Variants in SMC1A observed in about 807,000 individuals in gnomAD.
SMC1A encodes the protein structural maintenance of chromosomes 1A.
Under a neutral mutation model 94.5 loss-of-function variants are expected in SMC1A, and 4 were observed. The observed-to-expected ratio is 0.04, with a 90% CI of 0.02 to 0.10. SMC1A has a LOEUF of 0.10. Ranked by LOEUF, SMC1A falls within the 10% of genes least tolerant of loss-of-function variation. The probability of loss-of-function intolerance (pLI) is 1.00; values close to 1 mark genes in which losing one functional copy is unlikely to be tolerated. For missense variants in SMC1A, 304 were observed against 989.0 expected (o/e 0.31, Z 9.29); for synonymous variants, 345 against 347.7 (o/e 0.99, Z 0.09).
intron 15 of SMC1A, among the ~76,000 whole-genome samples, chrX:53,401,699 C>T (rs2146596552): frequency 9.1e-6 from 1 of 110,446 alleles, no homozygotes; most frequent in South Asian, 3.8e-4. Context: ...GGGATATATA[C>T]CCATAGGTTT....
chrX:53,390,050 C>T (rs1364090656), intron 19 of SMC1A, among the ~76,000 whole-genome samples: 5 of 105,115 alleles, frequency 4.8e-5, no homozygotes, highest in African/African-American at 1.7e-4. Context: ...GGGGTTTCAC[C>T]GTGTTAGCCA....
rs782191187 is a variant in SMC1A at position 53,405,936 on chromosome X, T to C, written c.1566A>G (p.Leu522=). 10 of 1,211,487 alleles carry C rather than the reference T, an allele frequency of 8.3e-6. No homozygotes were observed. The Admixed American group carries it at 8.7e-5, about 11-fold the overall frequency. ...GATACTTCTTTTGTGTGGGCTGGCA[T>C]AGGTCAATGAGGCGGCCGTACTGAG... The part of the protein sequence containing the change: ...PGSVYGRLID[L]CQPTQKKYQI... Residue 522 remains leucine (L), a synonymous_variant, in exon 10 of 25, where the codon CTA becomes CTG. Coordinates refer to ENST00000322213, the MANE Select transcript of SMC1A (RefSeq NM_006306.4).
At chrX:53,380,596 G>A in intron 24 of SMC1A, 24 bp downstream of exon 24, 1 of 1,004,273 alleles carries the variant, frequency 1.0e-6, no homozygotes, top group Middle Eastern at 2.6e-4. Context: ...AGTAGGACTG[G>A]CTCCTGAGCC....
rs1259197736 is a variant in SMC1A at position 53,413,420 on chromosome X, T to C, written c.427A>G (p.Ile143Val). ...CTCTCTTTGGGGTTCTTCATGGCAATAGATTCCACAGCACCCTAGTAAAGG... is the reference window on the plus strand; with the variant it reads ...CTCTCTTTGGGGTTCTTCATGGCAACAGATTCCACAGCACCCTAGTAAAGG... The part of the protein sequence containing the change: ...FLVFQGAVES[I>V]AMKNPKERTA... The change falls in exon 4 of 25, where the codon ATT becomes GTT. Residue 143 changes from isoleucine to valine, a missense_variant. Transcript: ENST00000322213. 2.5e-6 allele frequency: 3 copies of C among 1,208,017 alleles called. No individual in the cohort carries two copies. Among genetic ancestry groups the C allele is most frequent in the African/African-American group, 1.8e-5 (1 of 56,978 alleles).
rs907682412 is a variant in SMC1A at position 53,408,561 on chromosome X, G to C, written c.1545+501C>G. Reference sequence around the variant, plus strand: ...AGGGAACCTGGGAACTCAGGATTTGGTGAAAGAGGCCAAAAGATCAAGAGA... The same window carrying C: ...AGGGAACCTGGGAACTCAGGATTTGCTGAAAGAGGCCAAAAGATCAAGAGA... On this transcript the variant is annotated intron_variant, in intron 9 of 24. Coordinates refer to ENST00000322213, the MANE Select transcript of SMC1A (RefSeq NM_006306.4). 2.7e-5 allele frequency among the ~76,000 whole-genome samples: 3 copies of C among 111,505 alleles called. No homozygotes were observed. In the Admixed American group the frequency reaches 2.9e-4, roughly 11 times the overall value.
At chrX:53,407,805 T>C (rs1556889964) in intron 9 of SMC1A, among the ~76,000 whole-genome samples, 2 of 111,561 alleles carry the variant, frequency 1.8e-5, no homozygotes, top group African/African-American at 6.5e-5. Context: ...TTGTGCTGGT[T>C]GTGAGAGTAG....
At position 53,413,410 on chromosome X, in the gene SMC1A, T is replaced by C; in HGVS notation, c.437A>G (p.Lys146Arg). The C allele has an allele frequency of 8.3e-7, 1 of 1,211,208 alleles. No homozygotes were observed. The highest frequency in any genetic ancestry group is 3.0e-5 in the East Asian group (1 of 33,846). Residue 146 changes from lysine to arginine, a missense_variant, in exon 4 of 25, where the codon AAG becomes AGG. Lys to Arg is a conservative substitution (Grantham distance 26). Transcript: ENST00000322213. Reference protein sequence around the residue: ...FQGAVESIAMKNPKERTALFE... With the variant: ...FQGAVESIAMRNPKERTALFE... ...TAGAGCTGTCCTCTCTTTGGGGTTC[T>C]TCATGGCAATAGATTCCACAGCACC...
chrX:53,382,699 G>C (rs2075589145), intron 20 of SMC1A, 39 bp from the exon 21 acceptor site: 1 of 1,202,285 alleles, frequency 8.3e-7, no homozygotes. Context: ...CAGTGCCCTG[G>C]CAAGAAGGAC....
chrX:53,409,197 A>G lies in SMC1A; in HGVS notation c.1410T>C (p.Ile470=), dbSNP rs782223677. Residue 470 remains isoleucine (I), a synonymous_variant, in exon 9 of 25, where the codon ATT becomes ATC. Transcript: ENST00000322213. ...TEEVEMAKRR[I]DEINKELNQV... ...GGTTCAGCTCCTTATTGATTTCATC[A>G]ATACGCCGCTTGGCCATCTCCACCT... 8.3e-7 allele frequency: 1 copy of G among 1,209,412 alleles called. No individual in the cohort carries two copies. The highest frequency in any genetic ancestry group is 1.8e-5 in the African/African-American group (1 of 57,114).
At position 53,380,704 on chromosome X, in the gene SMC1A, C is replaced by G. The variant is rs782763816; in HGVS notation, c.3534G>C (p.Ser1178=). Reference sequence around the variant, plus strand: ...TGACGATGGCCTGGAAGTTGCAAGTCGACTGCTCCTTGATGTAATTTGCCA... The same window carrying G: ...TGACGATGGCCTGGAAGTTGCAAGTGGACTGCTCCTTGATGTAATTTGCCA... ...GKVANYIKEQ[S]TCNFQAIVIS... Residue 1178 remains serine (S), a synonymous_variant, in exon 24 of 25, where the codon TCG becomes TCC. Transcript: ENST00000322213. 2.5e-5 allele frequency: 30 copies of G among 1,209,658 alleles called. No individual in the cohort carries two copies. The highest frequency in any genetic ancestry group is 3.4e-5 in the Non-Finnish European group (30 of 893,622).
At chrX:53,382,991 T>C (rs1283782069) in intron 20 of SMC1A, 106 bp downstream of exon 20, 2 of 829,707 alleles carry the variant, frequency 2.4e-6, no homozygotes, top group Non-Finnish European at 3.5e-6. Flanking sequence ...GAGTTTTAAG[T>C]AAGAAAACAT....
rs2075553853 is a variant in SMC1A at position 53,374,759 on chromosome X, T to C, written c.*5344A>G. On this transcript the variant is annotated 3_prime_UTR_variant, in exon 25 of 25. Coordinates refer to ENST00000322213, the MANE Select transcript of SMC1A (RefSeq NM_006306.4). Reference sequence around the variant, plus strand: ...CCACCCTGTGGCTCCGTGATCTCATTATACAAATGTCTCATGACCTCTGCT... The same window carrying C: ...CCACCCTGTGGCTCCGTGATCTCATCATACAAATGTCTCATGACCTCTGCT... 1 of 112,599 alleles carries C rather than the reference T, an allele frequency of 8.9e-6. No homozygotes were observed. Among genetic ancestry groups the C allele is most frequent in the East Asian group, 2.8e-4 (1 of 3,604 alleles). 9.3% of individuals were successfully genotyped at this position (112,599 alleles called of 1,213,427 possible).
intron 19 of SMC1A, 47 bp downstream of exon 19, chrX:53,394,731 T>TGCCCCCCCCCCCCCCCCCCCC: frequency 7.2e-6 from 3 of 416,231 alleles, no homozygotes; most frequent in Non-Finnish European, 1.3e-5. Context: ...ATAGTCCCAC[T>TGCCCCCCCCCCCCCCCCCCCC]CCCACCCAAC....
chrX:53,387,541 A>G (rs782721003), intron 19 of SMC1A, among the ~76,000 whole-genome samples: 2 of 112,269 alleles, frequency 1.8e-5, no homozygotes, highest in African/African-American at 6.5e-5. Context: ...TCTATTGAAA[A>G]GTTCTAGAAG....
Position 53,399,745 on chromosome X carries a change from G to A in SMC1A, c.2421-15C>T. On this transcript the variant is annotated splice_polypyrimidine_tract_variant and intron_variant, in intron 15 of 24. Coordinates refer to ENST00000322213, the MANE Select transcript of SMC1A (RefSeq NM_006306.4). ...CAAACTCCAAACTGTGTATAAAGGT[G>A]GGGGGAGAATCACTCATAATCTCAT... The A allele has an allele frequency of 8.3e-6, 10 of 1,198,490 alleles. No homozygotes were observed. The highest frequency in any genetic ancestry group is 1.1e-5 in the Non-Finnish European group (10 of 885,515).
intron 9 of SMC1A, 66 bp from the exon 10 acceptor site, chrX:53,406,022 T>C: frequency 9.8e-7 from 1 of 1,015,435 alleles, no homozygotes; most frequent in Non-Finnish European, 1.4e-6. Flanking sequence ...GAATCCTAAT[T>C]CCCAGTATGG....
chrX:53,399,771 C>T, intron 15 of SMC1A, 41 bp from the exon 16 acceptor site: 1 of 1,168,457 alleles, frequency 8.6e-7, no homozygotes, highest in East Asian at 3.0e-5. Context: ...ATAATCTCAT[C>T]AGCCAGAGAT....
Position 53,378,517 on chromosome X carries a change from C to A in SMC1A, c.*1586G>T. 1 of 112,228 alleles carries A rather than the reference C, an allele frequency of 8.9e-6. No homozygotes were observed. Among genetic ancestry groups the A allele is most frequent in the Non-Finnish European group, 1.9e-5 (1 of 53,247 alleles). The allele number at this position is 112,228 out of a possible 1,213,427, so 9.2% of individuals were successfully genotyped here. A position where few individuals can be genotyped will look rare whatever the true frequency, so the allele number is the denominator to read the frequency against. On this transcript the variant is annotated 3_prime_UTR_variant, in exon 25 of 25. Transcript: ENST00000322213. ...TATTTCCAATGAGTTCACATATGTA[C>A]GTACAAGCATTAAAACAAAGTCTAA... is the stretch of plus-strand genomic sequence containing the variant.
chrX:53,396,642 C>A, intron 16 of SMC1A, 25 bp from the exon 17 acceptor site: 1 of 1,199,669 alleles, frequency 8.3e-7, no homozygotes, highest in Non-Finnish European at 1.1e-6. Context: ...GGGAACAGGA[C>A]AATAGGTGAA....
Sources: gnomAD v4.1 joint callset for allele counts (sites outside exome capture counted in the v4.1 genomes callset) on GRCh38, gnomAD v4.1.1 for gene constraint, MANE v1.5 for transcripts, NCBI Gene and HGNC (gene_info 2026-07-23, HGNC 2026-07-21) for gene names.